Variants in CCDC77 observed in about 807,000 individuals in gnomAD.
The protein encoded by CCDC77 is coiled-coil domain-containing protein 77.
In CCDC77, 56 loss-of-function variants were observed where a neutral mutation model predicts 66.8. The observed-to-expected ratio is 0.84, with a 90% CI of 0.68 to 1.05. The LOEUF (loss-of-function observed/expected upper bound fraction) is 1.05. Among genes scored for constraint, CCDC77 ranks in the 50% least tolerant of loss-of-function variants. The probability of loss-of-function intolerance (pLI) is 0.00; values close to 1 mark genes in which losing one functional copy is unlikely to be tolerated. For missense variants in CCDC77, 570 were observed against 576.8 expected, an observed-to-expected ratio of 0.99 and a Z score of 0.12; for synonymous variants, 196 against 195.2, an observed-to-expected ratio of 1.00 and a Z score of -0.03.
intron 1 of CCDC77, among the ~76,000 whole-genome samples, chr12:395,526 C>G (rs1944816372): frequency 6.6e-6 from 1 of 151,904 alleles, no homozygotes; most frequent in Non-Finnish European, 1.5e-5. Context: ...ATCTACGAAC[C>G]CAACCAACTA....
chr12:410,700 C>T (rs770528890), intron 3 of CCDC77, among the ~76,000 whole-genome samples: 18 of 151,654 alleles, frequency 1.2e-4, no homozygotes, highest in Non-Finnish European at 2.6e-4. Flanking sequence ...CGCGTGCCAC[C>T]AGGCCCGGCT....
At chr12:410,267 G>A (rs201605774) in intron 3 of CCDC77, among the ~76,000 whole-genome samples, 2 of 148,704 alleles carry the variant, frequency 1.3e-5, no homozygotes, top group African/African-American at 2.5e-5. Context: ...TACTATTTTT[G>A]TTTTTTTTTT....
chr12:413,587 A>G (rs960236625), intron 4 of CCDC77, among the ~76,000 whole-genome samples: 1 of 146,772 alleles, frequency 6.8e-6, no homozygotes, highest in African/African-American at 2.6e-5. Context: ...TCCCAGTCAC[A>G]CTTCCAGAAT....
rs1565569017 is a variant in CCDC77 at position 416,355 on chromosome 12, G to GTATA, written c.271-2138_271-2137insATAT. Among the ~76,000 whole-genome samples, 71 of 31,738 alleles carry GTATA rather than the reference G, an allele frequency of 2.2e-3. 2 individuals are homozygous for GTATA. The highest frequency in any genetic ancestry group is 1.0e-2 in the East Asian group (4 of 402). 20.8% of individuals were successfully genotyped at this position (31,738 alleles called of 152,430 possible). A position where few individuals can be genotyped will look rare whatever the true frequency, so the allele number is the denominator to read the frequency against. On this transcript the variant is annotated intron_variant, in intron 4 of 12. Transcript: ENST00000239830. ...TGTGGGTGTGTGGGGGTGTGTGTGTGTGTGTGTGTGTGTGTGTGTGTGTAT... is the reference window on the plus strand; with the variant it reads ...TGTGGGTGTGTGGGGGTGTGTGTGTGTATATGTGTGTGTGTGTGTGTGTGTGTAT...
intron 5 of CCDC77, among the ~76,000 whole-genome samples, chr12:427,919 T>A (rs931759753): frequency 6.6e-6 from 1 of 152,154 alleles, no homozygotes; most frequent in Non-Finnish European, 1.5e-5. Flanking sequence ...GGGATTCAGT[T>A]GCAGCAGGCC....
chr12:396,121 G>A (rs1944825659), intron 1 of CCDC77, among the ~76,000 whole-genome samples: 2 of 152,242 alleles, frequency 1.3e-5, no homozygotes, highest in South Asian at 4.1e-4. Context: ...GCCAGGCGAG[G>A]TGGCTCACGC....
At chr12:409,540 C>G in intron 3 of CCDC77, 119 bp downstream of exon 3, 1 of 916,156 alleles carries the variant, frequency 1.1e-6, no homozygotes, top group Non-Finnish European at 1.7e-6. Flanking sequence ...TTCTTTGAGA[C>G]AGAGTTTCAC....
chr12:431,135 T>G (rs2137604552), intron 7 of CCDC77, among the ~76,000 whole-genome samples: 1 of 151,256 alleles, frequency 6.6e-6, no homozygotes, highest in South Asian at 2.1e-4. Flanking sequence ...ATAATTGATG[T>G]TCATAATGAT....
At chr12:422,126 A>G (rs1340518660) in intron 5 of CCDC77, among the ~76,000 whole-genome samples, 1 of 82,886 alleles carries the variant, frequency 1.2e-5, no homozygotes, top group East Asian at 4.6e-4. Context: ...GGTAAAATAC[A>G]CATAGCAGCA....
chr12:423,129 T>TTG, intron 5 of CCDC77, among the ~76,000 whole-genome samples: 1 of 113,976 alleles, frequency 8.8e-6, no homozygotes, highest in Admixed American at 1.1e-4. Context: ...TTTTTTTTTT[T>TTG]TTTTTTTTTG....
intron 4 of CCDC77, among the ~76,000 whole-genome samples, chr12:412,341 G>C (rs1044951709): frequency 1.3e-5 from 2 of 152,172 alleles, no homozygotes; most frequent in Non-Finnish European, 2.9e-5. Flanking sequence ...TGCTTTACTT[G>C]AGTAGTAACT....
chr12:441,458 C>G (rs1026320528), intron 12 of CCDC77, among the ~76,000 whole-genome samples: 1 of 152,130 alleles, frequency 6.6e-6, no homozygotes, highest in Admixed American at 6.6e-5. Context: ...GACAAACTTA[C>G]CAGTAGTGTT....
At chr12:435,239 C>T (rs1489300726) in intron 9 of CCDC77, among the ~76,000 whole-genome samples, 1 of 150,414 alleles carries the variant, frequency 6.6e-6, no homozygotes, top group Admixed American at 6.6e-5. Flanking sequence ...ACATGTATTC[C>T]GTTTCCAAAT....
At position 411,792 on chromosome 12, in the gene CCDC77, C is replaced by T. The variant is rs750431707; in HGVS notation, c.84C>T (p.Thr28=). The T allele has an allele frequency of 6.2e-7, 1 of 1,614,110 alleles. No homozygotes were observed. Among genetic ancestry groups the T allele is most frequent in the South Asian group, 1.1e-5 (1 of 91,074 alleles). Residue 28 remains threonine, a synonymous_variant, in exon 4 of 13, where the codon ACC becomes ACT. Coordinates refer to ENST00000239830, the MANE Select transcript of CCDC77 (RefSeq NM_032358.4). The stretch of plus-strand genomic sequence containing the variant: ...GTGGTGTTGCCGTCAGTGGTCCCAC[C>T]AAGAGGAGGGGAATGGCAGATTCAC... ...SKRGVAVSGP[T]KRRGMADSLE...
intron 4 of CCDC77, among the ~76,000 whole-genome samples, chr12:415,461 T>G (rs892983574): frequency 1.2e-4 from 18 of 146,288 alleles, no homozygotes; most frequent in African/African-American, 4.3e-4. Flanking sequence ...TTAACATAAT[T>G]ATTAACATAA....
upstream of CCDC77, among the ~76,000 whole-genome samples, chr12:400,681 T>C (rs1025807699): frequency 2.0e-5 from 3 of 152,182 alleles, no homozygotes; most frequent in African/African-American, 4.8e-5. Flanking sequence ...ATGGGCATGG[T>C]TCATGGTGCC....
At chr12:416,341 G>GT (rs1565568949) in intron 4 of CCDC77, among the ~76,000 whole-genome samples, 4 of 35,886 alleles carry the variant, frequency 1.1e-4, no homozygotes, top group African/African-American at 5.7e-4. Context: ...GTGGGTGTGT[G>GT]GGGGTGTGTG....
chr12:404,460 G>A (rs1565562945), intron 1 of CCDC77, among the ~76,000 whole-genome samples: 1 of 152,198 alleles, frequency 6.6e-6, no homozygotes, highest in Non-Finnish European at 1.5e-5. Flanking sequence ...ATAAGAGCTT[G>A]GTTAGATGTC....
At position 441,002 on chromosome 12, in the gene CCDC77, T is replaced by C; in HGVS notation, c.1320+6T>C. On this transcript the variant is annotated splice_donor_region_variant and intron_variant, in intron 12 of 12. Transcript: ENST00000239830. ...TGGAGCAAATGTTGTATAAGGTAAT[T>C]GCTGGTCCTGAATTGCCACGAGGGA... 1 of 1,608,686 alleles carries C rather than the reference T, an allele frequency of 6.2e-7. No homozygotes were observed.
Sources: gnomAD v4.1 joint callset for allele counts (sites outside exome capture counted in the v4.1 genomes callset) on GRCh38, gnomAD v4.1.1 for gene constraint, MANE v1.5 for transcripts, NCBI Gene and HGNC (gene_info 2026-07-23, HGNC 2026-07-21) for gene names.